SLC35A3: variants seen among roughly 807,000 people sequenced by gnomAD.
SLC35A3 encodes solute carrier family 35 member A3.
In SLC35A3, 26 loss-of-function variants were observed where a neutral mutation model predicts 39.0. That is an observed-to-expected ratio of 0.67 (90% confidence interval 0.49 to 0.92). SLC35A3 has a LOEUF of 0.92. SLC35A3 is among the 40% of genes least tolerant of loss of function. The pLI is 0.00. For missense variants in SLC35A3, 299 were observed against 371.6 expected, an observed-to-expected ratio of 0.80 and a Z score of 1.61; for synonymous variants, 135 against 133.1, an observed-to-expected ratio of 1.01 and a Z score of -0.10.
At chr1:100,008,291 T>C (rs576505990) in intron 4 of SLC35A3, 1 of 152,306 alleles carries the variant, frequency 6.6e-6, no homozygotes, top group East Asian at 1.9e-4. Context: ...ATTACAAAAG[T>C]TTAAGTGGCA....
chr1:100,033,493 A>G lies in SLC35A3; in HGVS notation c.*11017A>G, dbSNP rs1415218612. The stretch of plus-strand genomic sequence containing the variant: ...TGTGTTTCTTTTTAAAAAGCAAACA[A>G]ATATGCATATTGCTGTACTTACTGT... On this transcript the variant is annotated 3_prime_UTR_variant, in exon 8 of 8. Transcript: ENST00000533028. 6.6e-6 allele frequency: 1 copy of G among 152,136 alleles called. No individual in the cohort carries two copies. The highest frequency in any genetic ancestry group is 1.5e-5 in the Non-Finnish European group (1 of 68,030). The allele number at this position is 152,136 out of a possible 1,614,324, so 9.4% of individuals were successfully genotyped here.
chr1:100,012,608 A>G (rs1457630927), intron 5 of SLC35A3, among the ~76,000 whole-genome samples: 1 of 152,222 alleles, frequency 6.6e-6, no homozygotes, highest in Non-Finnish European at 1.5e-5. Flanking sequence ...TCCAGAGAAT[A>G]GAGAACCAGG....
At position 100,024,848 on chromosome 1, in the gene SLC35A3, A is replaced by G. The variant is rs1351167301; in HGVS notation, c.*2372A>G. On this transcript the variant is annotated 3_prime_UTR_variant, in exon 8 of 8. Coordinates refer to ENST00000533028, the MANE Select transcript of SLC35A3 (RefSeq NM_012243.3). ...AAAACTGTAAAAAATAAGTATTTTTATATAGCTCTCATGGATTTTATTAAA... is the reference window on the plus strand; with the variant it reads ...AAAACTGTAAAAAATAAGTATTTTTGTATAGCTCTCATGGATTTTATTAAA... 1.0e-5 allele frequency: 4 copies of G among 386,162 alleles called. No homozygotes were observed. The highest frequency in any genetic ancestry group is 1.8e-5 in the Non-Finnish European group (4 of 218,872). The allele number at this position is 386,162 out of a possible 1,614,324, so 23.9% of individuals were successfully genotyped here.
intron 2 of SLC35A3, among the ~76,000 whole-genome samples, chr1:99,995,160 CT>C (rs869144452): frequency 1.5e-4 from 11 of 73,062 alleles, no homozygotes; most frequent in Admixed American, 1.5e-4. Flanking sequence ...TTCTTTCTTT[CT>C]TTTTTTTTCG....
intron 7 of SLC35A3, among the ~76,000 whole-genome samples, chr1:100,019,156 CT>C (rs71590280): frequency 0.082 from 11,555 of 141,562 alleles, 503 homozygotes; most frequent in Non-Finnish European, 0.097. Context: ...AAAAGCATAC[CT>C]TTTTTTTTTT....
intron 1 of SLC35A3, among the ~76,000 whole-genome samples, chr1:99,991,323 T>C (rs1008475562): frequency 6.6e-6 from 1 of 152,148 alleles, no homozygotes; most frequent in Non-Finnish European, 1.5e-5. Context: ...TTTTTGTATT[T>C]TTAGTAGAGA....
intron 7 of SLC35A3, among the ~76,000 whole-genome samples, chr1:100,021,432 A>G (rs1045878115): frequency 3.3e-5 from 5 of 152,028 alleles, no homozygotes; most frequent in Admixed American, 2.0e-4. Flanking sequence ...ATCACAGCAC[A>G]TTGGGAGTCT....
intron 1 of SLC35A3, among the ~76,000 whole-genome samples, chr1:99,988,764 C>G (rs1383751204): frequency 6.6e-6 from 1 of 151,072 alleles, no homozygotes; most frequent in African/African-American, 2.4e-5. Context: ...CTTCTCTCCT[C>G]TCTCCTATAC....
At chr1:100,010,979 T>C (rs1487381813) in intron 4 of SLC35A3, among the ~76,000 whole-genome samples, 1 of 152,168 alleles carries the variant, frequency 6.6e-6, no homozygotes, top group Non-Finnish European at 1.5e-5. Flanking sequence ...TTTAGAACAC[T>C]ACTTTCCAGC....
intron 1 of SLC35A3, among the ~76,000 whole-genome samples, chr1:99,990,972 C>T (rs1289543152): frequency 6.6e-6 from 1 of 152,196 alleles, no homozygotes; most frequent in African/African-American, 2.4e-5. Context: ...GATGCCAGCA[C>T]TCTCATCTTG....
rs1431496213 is a variant in SLC35A3 at position 100,028,087 on chromosome 1, T to C, written c.*5611T>C. On this transcript the variant is annotated 3_prime_UTR_variant, in exon 8 of 8. Coordinates refer to ENST00000533028, the MANE Select transcript of SLC35A3 (RefSeq NM_012243.3). ...CCCTAGTAACTGGGATTACAGGCCA[T>C]GCCACCACGCCCAACTAATTTTTGT... The C allele has an allele frequency of 6.6e-6, 1 of 151,742 alleles. No homozygotes were observed. Among genetic ancestry groups the C allele is most frequent in the Non-Finnish European group, 1.5e-5 (1 of 68,182 alleles). The allele number at this position is 151,742 out of a possible 1,614,324, so 9.4% of individuals were successfully genotyped here.
In SLC35A3 at chr1:100,027,120, G is replaced by C. The variant is rs944269869; in HGVS notation, c.*4644G>C. The C allele has an allele frequency of 7.5e-6, 3 of 398,360 alleles. No homozygotes were observed. Among genetic ancestry groups the C allele is most frequent in the Non-Finnish European group, 1.3e-5 (3 of 226,020 alleles). The allele number at this position is 398,360 out of a possible 1,614,324, so 24.7% of individuals were successfully genotyped here. Reference sequence around the variant, plus strand: ...TAGTATCTCTATCACTGTCACATGTGATCTTTCTTCCTTTTCTCTAGCCCA... The same window carrying C: ...TAGTATCTCTATCACTGTCACATGTCATCTTTCTTCCTTTTCTCTAGCCCA... On this transcript the variant is annotated 3_prime_UTR_variant, in exon 8 of 8. Coordinates refer to ENST00000533028, the MANE Select transcript of SLC35A3 (RefSeq NM_012243.3).
Position 100,034,005 on chromosome 1 carries a change from T to G in SLC35A3, c.*11529T>G, listed in dbSNP as rs1327474989. 3.9e-5 allele frequency: 6 copies of G among 152,220 alleles called. No individual in the cohort carries two copies. Among genetic ancestry groups the G allele is most frequent in the Non-Finnish European group, 8.8e-5 (6 of 68,038 alleles). The allele number at this position is 152,220 out of a possible 1,614,324, so 9.4% of individuals were successfully genotyped here. ...TCTTCTGGAGCCTAGATACTTAAAG[T>G]ACACCTTGGCCATGTAGAAAATCCT... On this transcript the variant is annotated 3_prime_UTR_variant, in exon 8 of 8. Transcript: ENST00000533028.
intron 3 of SLC35A3, among the ~76,000 whole-genome samples, chr1:100,002,875 A>G (rs1468413384): frequency 6.6e-6 from 1 of 151,834 alleles, no homozygotes; most frequent in Non-Finnish European, 1.5e-5. Context: ...TGGCCTCCCA[A>G]GGTGCTGGGA....
intron 7 of SLC35A3, among the ~76,000 whole-genome samples, chr1:100,019,057 C>T (rs1270884828): frequency 6.6e-6 from 1 of 152,038 alleles, no homozygotes; most frequent in Non-Finnish European, 1.5e-5. Context: ...TAATCTTAAT[C>T]ATATTCCCTG....
At chr1:99,992,570 A>G (rs1410704426) in intron 1 of SLC35A3, among the ~76,000 whole-genome samples, 1 of 152,128 alleles carries the variant, frequency 6.6e-6, no homozygotes, top group African/African-American at 2.4e-5. Context: ...CTCTTGTACT[A>G]TTTTTTAAAC....
chr1:99,974,582 G>A (rs1019966160), intron 1 of SLC35A3, among the ~76,000 whole-genome samples: 16 of 152,120 alleles, frequency 1.1e-4, no homozygotes, highest in African/African-American at 3.6e-4. Flanking sequence ...CTCCCACCAT[G>A]GCCTCTGAAA....
At chr1:99,970,360 CGTTGTAA>C in intron 1 of SLC35A3, 198 bp downstream of exon 1, 2 of 591,894 alleles carry the variant, frequency 3.4e-6, no homozygotes, top group Non-Finnish European at 6.0e-6. Context: ...TGAGGTGACA[CGTTGTAA>C]CTCCGACGGA....
chr1:99,999,226 A>G (rs762894853), intron 2 of SLC35A3, 35 bp from the exon 3 acceptor site: 2 of 1,375,128 alleles, frequency 1.5e-6, no homozygotes, highest in East Asian at 5.0e-5. Flanking sequence ...ATTCAGAGTT[A>G]CTTAATTACT....
Sources: gnomAD v4.1 joint callset for allele counts (sites outside exome capture counted in the v4.1 genomes callset) on GRCh38, gnomAD v4.1.1 for gene constraint, MANE v1.5 for transcripts, NCBI Gene and HGNC (gene_info 2026-07-23, HGNC 2026-07-21) for gene names.